The following ST6GALNAC3 variants were observed in gnomAD, a reference collection of about 807,000 sequenced individuals.
The protein encoded by ST6GALNAC3 is ST6 N-acetylgalactosaminide alpha-2,6-sialyltransferase 3.
Under a neutral mutation model 32.7 loss-of-function variants are expected in ST6GALNAC3, and 25 were observed. The ratio of observed to expected loss-of-function variants is 0.76; its 90% CI spans 0.56 to 1.07. ST6GALNAC3 has a LOEUF of 1.07. Among genes scored for constraint, ST6GALNAC3 ranks in the 50% least tolerant of loss-of-function variants. ST6GALNAC3 has a pLI of 0.00. For missense variants in ST6GALNAC3, 355 were observed against 382.4 expected, an observed-to-expected ratio of 0.93 and a Z score of 0.60; for synonymous variants, 129 against 133.1, an observed-to-expected ratio of 0.97 and a Z score of 0.21.
chr1:76,163,467 A>C (rs10873867), intron 1 of ST6GALNAC3, among the ~76,000 whole-genome samples: 8 of 151,980 alleles, frequency 5.3e-5, no homozygotes, highest in Non-Finnish European at 1.0e-4. Context: ...ACCATTTTCT[A>C]TGTGTATAAT....
chr1:76,164,023 A>T (rs1158566634), intron 1 of ST6GALNAC3, among the ~76,000 whole-genome samples: 1 of 152,208 alleles, frequency 6.6e-6, no homozygotes, highest in African/African-American at 2.4e-5. Context: ...TTTGTTGAGG[A>T]GTTCCCACCC....
At chr1:76,363,320 C>T (rs1332991797) in intron 2 of ST6GALNAC3, among the ~76,000 whole-genome samples, 7 of 152,192 alleles carry the variant, frequency 4.6e-5, no homozygotes, top group African/African-American at 7.2e-5. Flanking sequence ...GGGCACAATG[C>T]AGCCAGGTTC....
chr1:76,426,015 C>A (rs1045176624), intron 3 of ST6GALNAC3, among the ~76,000 whole-genome samples: 3 of 151,838 alleles, frequency 2.0e-5, no homozygotes, highest in African/African-American at 7.3e-5. Flanking sequence ...TTTTGAAAAG[C>A]ATATATTCTA....
intron 1 of ST6GALNAC3, among the ~76,000 whole-genome samples, chr1:76,254,994 T>C (rs1408320930): frequency 6.6e-6 from 1 of 151,624 alleles, no homozygotes; most frequent in Non-Finnish European, 1.5e-5. Flanking sequence ...CTGGTTCAGC[T>C]AGCCTTCTGC....
At chr1:76,235,951 G>A (rs1272451244) in intron 1 of ST6GALNAC3, among the ~76,000 whole-genome samples, 1 of 151,406 alleles carries the variant, frequency 6.6e-6, no homozygotes, top group Non-Finnish European at 1.5e-5. Context: ...TCCTACTCCA[G>A]TGTGACCTCA....
At chr1:76,210,319 T>G (rs1453539425) in intron 1 of ST6GALNAC3, among the ~76,000 whole-genome samples, 6 of 152,260 alleles carry the variant, frequency 3.9e-5, no homozygotes, top group Admixed American at 6.5e-5. Context: ...TTTTTTTGGG[T>G]TTTCCTTCCC....
At chr1:76,259,070 C>G (rs768814407) in intron 1 of ST6GALNAC3, among the ~76,000 whole-genome samples, 1 of 152,080 alleles carries the variant, frequency 6.6e-6, no homozygotes, top group Non-Finnish European at 1.5e-5. Context: ...AACAAAACCT[C>G]GCTCACGAAA....
chr1:76,396,018 C>T (rs890080073), intron 2 of ST6GALNAC3, among the ~76,000 whole-genome samples: 1 of 152,084 alleles, frequency 6.6e-6, no homozygotes, highest in Non-Finnish European at 1.5e-5. Flanking sequence ...TGATGGATAC[C>T]TTAAATACTA....
intron 1 of ST6GALNAC3, among the ~76,000 whole-genome samples, chr1:76,127,178 A>T (rs944113076): frequency 6.6e-6 from 1 of 152,176 alleles, no homozygotes; most frequent in African/African-American, 2.4e-5. Context: ...ATAAATGAGG[A>T]AGCTGGCCTC....
chr1:76,156,351 G>A (rs1390065687), intron 1 of ST6GALNAC3, among the ~76,000 whole-genome samples: 2 of 152,112 alleles, frequency 1.3e-5, no homozygotes, highest in African/African-American at 4.8e-5. Flanking sequence ...CACACTTAAG[G>A]AGGGGGAGTT....
rs376197757 is a variant in ST6GALNAC3 at position 76,132,413 on chromosome 1, G to A, written c.18+57529G>A. 2.1e-3 allele frequency among the ~76,000 whole-genome samples: 315 copies of A among 152,200 alleles called. 2 individuals carry two copies. The highest frequency in any genetic ancestry group is 7.2e-3 in the African/African-American group (299 of 41,508). On this transcript the variant is annotated intron_variant, in intron 1 of 4. Coordinates refer to ENST00000328299, the MANE Select transcript of ST6GALNAC3 (RefSeq NM_152996.4). ...CCAAGACTCAAAATCCTTCCAATCCGGTGAGCTCCCCTCTTCCTGTTCCTT... is the reference window on the plus strand; with the variant it reads ...CCAAGACTCAAAATCCTTCCAATCCAGTGAGCTCCCCTCTTCCTGTTCCTT...
intron 3 of ST6GALNAC3, among the ~76,000 whole-genome samples, chr1:76,457,692 T>C (rs1397332311): frequency 6.6e-6 from 1 of 152,132 alleles, no homozygotes; most frequent in Non-Finnish European, 1.5e-5. Context: ...TGTAGAAAGC[T>C]GAAACTGGAT....
At chr1:76,172,067 A>G (rs1652552948) in intron 1 of ST6GALNAC3, among the ~76,000 whole-genome samples, 1 of 151,442 alleles carries the variant, frequency 6.6e-6, no homozygotes, top group Non-Finnish European at 1.5e-5. Context: ...CCAAATAAAC[A>G]TTGATACAAA....
chr1:76,490,029 C>T (rs2101687857), intron 3 of ST6GALNAC3, among the ~76,000 whole-genome samples: 1 of 152,286 alleles, frequency 6.6e-6, no homozygotes, highest in Non-Finnish European at 1.5e-5. Flanking sequence ...CTTGCTGTCT[C>T]ACTCACATGG....
chr1:76,370,539 A>G (rs1288251737), intron 2 of ST6GALNAC3, among the ~76,000 whole-genome samples: 2 of 152,132 alleles, frequency 1.3e-5, no homozygotes, highest in Non-Finnish European at 2.9e-5. Context: ...AGGCATTAAC[A>G]TATTTTTGTA....
intron 3 of ST6GALNAC3, among the ~76,000 whole-genome samples, chr1:76,525,408 C>G (rs1368684802): frequency 6.6e-6 from 1 of 151,960 alleles, no homozygotes; most frequent in Non-Finnish European, 1.5e-5. Context: ...GAAACATAAT[C>G]CCACTAAAAA....
intron 1 of ST6GALNAC3, among the ~76,000 whole-genome samples, chr1:76,089,252 T>C (rs1384174170): frequency 3.3e-5 from 5 of 152,106 alleles, no homozygotes; most frequent in South Asian, 2.1e-4. Context: ...GGGGTTTCAC[T>C]GTGTTAGCCA....
chr1:76,358,197 T>G (rs971728177), intron 2 of ST6GALNAC3, among the ~76,000 whole-genome samples: 2 of 152,130 alleles, frequency 1.3e-5, no homozygotes, highest in Admixed American at 1.3e-4. Context: ...CTATTCTCAG[T>G]TCTGATTAAT....
At chr1:76,452,480 A>G (rs1442973582) in intron 3 of ST6GALNAC3, among the ~76,000 whole-genome samples, 1 of 152,184 alleles carries the variant, frequency 6.6e-6, no homozygotes, top group Non-Finnish European at 1.5e-5. Flanking sequence ...GAGGGTTTTA[A>G]TTATAAAAGG....
Sources: gnomAD v4.1 joint callset for allele counts (sites outside exome capture counted in the v4.1 genomes callset) on GRCh38, gnomAD v4.1.1 for gene constraint, MANE v1.5 for transcripts, NCBI Gene and HGNC (gene_info 2026-07-23, HGNC 2026-07-21) for gene names.